The following ZNF804A variants were observed in gnomAD, a reference collection of about 807,000 sequenced individuals.
ZNF804A encodes zinc finger protein 804A.
ZNF804A carries 2 observed loss-of-function variants against 16.5 expected under a neutral mutation model. The observed-to-expected ratio is 0.12, with a 90% confidence interval of 0.05 to 0.38. The LOEUF is 0.38. ZNF804A is among the 10% of genes least tolerant of loss of function. The probability of loss-of-function intolerance (pLI) is 0.99; values close to 1 mark genes in which losing one functional copy is unlikely to be tolerated. For missense variants in ZNF804A, 1,473 were observed against 1,390.7 expected, an observed-to-expected ratio of 1.06 and a Z score of -0.94; for synonymous variants, 534 against 489.6, an observed-to-expected ratio of 1.09 and a Z score of -1.20.
At chr2:184,825,696 A>G (rs948805702) in intron 1 of ZNF804A, among the ~76,000 whole-genome samples, 3 of 152,192 alleles carry the variant, frequency 2.0e-5, no homozygotes, top group Non-Finnish European at 4.4e-5. Context: ...GTTCAAACAT[A>G]CAAAGACTGT....
chr2:184,803,437 C>T (rs1257186661), intron 1 of ZNF804A, among the ~76,000 whole-genome samples: 4 of 151,768 alleles, frequency 2.6e-5, no homozygotes, highest in African/African-American at 9.7e-5. Flanking sequence ...TTTTTATTGT[C>T]TTTCTTTTTC....
chr2:184,871,982 G>T (rs2105813723), intron 2 of ZNF804A, among the ~76,000 whole-genome samples: 1 of 152,072 alleles, frequency 6.6e-6, no homozygotes, highest in African/African-American at 2.4e-5. Context: ...TATCATTCAA[G>T]AATTAAGAAC....
intron 1 of ZNF804A, among the ~76,000 whole-genome samples, chr2:184,722,025 TAA>T (rs1409726939): frequency 6.6e-6 from 1 of 151,902 alleles, no homozygotes; most frequent in Non-Finnish European, 1.5e-5. Flanking sequence ...ACGTGGGAGC[TAA>T]AAGAGTTGTT....
rs1243185909 is a variant in ZNF804A at position 184,881,610 on chromosome 2, T to A, written c.255+15098T>A. 2.0e-5 allele frequency among the ~76,000 whole-genome samples: 3 copies of A among 152,150 alleles called. No individual in the cohort carries two copies. The East Asian group carries it at 5.8e-4, about 29-fold the overall frequency. ...CTTAGAAGCTAGCAGAGATTAGGGG[T>A]CTATATTCAGCATTCTTAAAGAAAA... On this transcript the variant is annotated intron_variant, in intron 2 of 3. Coordinates refer to ENST00000302277, the MANE Select transcript of ZNF804A (RefSeq NM_194250.2).
chr2:184,646,217 C>A (rs1431801260), intron 1 of ZNF804A, among the ~76,000 whole-genome samples: 1 of 152,140 alleles, frequency 6.6e-6, no homozygotes, highest in Non-Finnish European at 1.5e-5. Context: ...GCTTCCACAG[C>A]CAGAACTATG....
At chr2:184,657,677 G>A (rs1198278240) in intron 1 of ZNF804A, among the ~76,000 whole-genome samples, 1 of 152,164 alleles carries the variant, frequency 6.6e-6, no homozygotes, top group Non-Finnish European at 1.5e-5. Context: ...TCTTCTCTGG[G>A]TTTAGGAAAA....
intron 2 of ZNF804A, among the ~76,000 whole-genome samples, chr2:184,908,227 G>C (rs1685307680): frequency 6.6e-6 from 1 of 152,002 alleles, no homozygotes; most frequent in South Asian, 2.1e-4. Context: ...AGCTTTAAGG[G>C]GTGACCTTTA....
At chr2:184,862,304 T>C (rs1695813446) in intron 1 of ZNF804A, among the ~76,000 whole-genome samples, 2 of 152,240 alleles carry the variant, frequency 1.3e-5, no homozygotes, top group Admixed American at 1.3e-4. Context: ...GGACTGATTT[T>C]GTCTACATAC....
chr2:184,652,077 A>G (rs1559117974), intron 1 of ZNF804A, among the ~76,000 whole-genome samples: 1 of 152,212 alleles, frequency 6.6e-6, no homozygotes, highest in Non-Finnish European at 1.5e-5. Flanking sequence ...AAAAGGTGGT[A>G]AATATGTGCT....
At chr2:184,706,737 C>T (rs1693036943) in intron 1 of ZNF804A, among the ~76,000 whole-genome samples, 1 of 152,110 alleles carries the variant, frequency 6.6e-6, no homozygotes, top group Non-Finnish European at 1.5e-5. Context: ...TTTGATTGCA[C>T]TCTATGTTTC....
rs576789049 is a variant in ZNF804A, at chr2:184,780,004, G to A, written c.112-86365G>A. On this transcript the variant is annotated intron_variant, in intron 1 of 3. Coordinates refer to ENST00000302277, the MANE Select transcript of ZNF804A (RefSeq NM_194250.2). The stretch of plus-strand genomic sequence containing the variant: ...AATAATTTTTGTATTAGATACCATG[G>A]TCCCACAGGCTCCCAGGCTTCACAG... 1.6e-4 allele frequency among the ~76,000 whole-genome samples: 24 copies of A among 151,750 alleles called. No homozygotes were observed. In the South Asian group the frequency reaches 5.0e-3, roughly 32 times the overall value.
chr2:184,877,403 A>G (rs560282894), intron 2 of ZNF804A, among the ~76,000 whole-genome samples: 117 of 152,254 alleles, frequency 7.7e-4, no homozygotes, highest in Non-Finnish European at 1.5e-3. Context: ...AAAATCTAAT[A>G]TTACCATCAT....
chr2:184,760,823 A>G (rs1201866209), intron 1 of ZNF804A, among the ~76,000 whole-genome samples: 3 of 152,134 alleles, frequency 2.0e-5, no homozygotes, highest in Non-Finnish European at 2.9e-5. Flanking sequence ...CTCCCACAAT[A>G]CGTTATTGGT....
rs1408646250 is a variant in ZNF804A at position 184,598,975 on chromosome 2, A to T, written c.16A>T (p.Ile6Phe). ...CGGCTGCCCCATGGAGTGTTACTACATTGTCATCAGCTCCACGCATCTCAG... is the reference window on the plus strand; with the variant it reads ...CGGCTGCCCCATGGAGTGTTACTACTTTGTCATCAGCTCCACGCATCTCAG... MECYY[I>F]VISSTHLSNG... Residue 6 changes from isoleucine (I) to phenylalanine (F), a missense_variant, in exon 1 of 4, where the codon ATT becomes TTT. Physicochemically the swap from Ile to Phe is conservative, Grantham distance 21. Transcript: ENST00000302277. The T allele has an allele frequency of 2.0e-5, 32 of 1,613,248 alleles. No individual in the cohort carries two copies. Among genetic ancestry groups the T allele is most frequent in the Non-Finnish European group, 2.6e-5 (31 of 1,179,486 alleles).
intron 1 of ZNF804A, among the ~76,000 whole-genome samples, chr2:184,794,824 A>G (rs894019493): frequency 1.3e-5 from 2 of 151,070 alleles, no homozygotes; most frequent in African/African-American, 4.8e-5. Context: ...AATTCCATTC[A>G]AATGGACAAC....
chr2:184,870,515 C>G (rs1300678468), intron 2 of ZNF804A, among the ~76,000 whole-genome samples: 1 of 151,928 alleles, frequency 6.6e-6, no homozygotes, highest in African/African-American at 2.4e-5. Flanking sequence ...ATCTCATACT[C>G]TCTGAAACTC....
At chr2:184,855,404 A>G (rs1254876663) in intron 1 of ZNF804A, among the ~76,000 whole-genome samples, 1 of 152,036 alleles carries the variant, frequency 6.6e-6, no homozygotes, top group East Asian at 1.9e-4. Context: ...GGACTTGATG[A>G]AAACAGCCAG....
intron 1 of ZNF804A, among the ~76,000 whole-genome samples, chr2:184,643,549 A>G (rs577321574): frequency 2.6e-5 from 4 of 151,940 alleles, no homozygotes; most frequent in Non-Finnish European, 5.9e-5. Context: ...ATACAATTCA[A>G]ATAAAACTGT....
intron 1 of ZNF804A, among the ~76,000 whole-genome samples, chr2:184,846,969 C>A (rs535906054): frequency 2.0e-5 from 3 of 152,190 alleles, no homozygotes; most frequent in South Asian, 4.1e-4. Context: ...AGGTTAGAAA[C>A]CATGCTGTTG....
Sources: gnomAD v4.1 joint callset for allele counts (sites outside exome capture counted in the v4.1 genomes callset) on GRCh38, gnomAD v4.1.1 for gene constraint, MANE v1.5 for transcripts, NCBI Gene and HGNC (gene_info 2026-07-23, HGNC 2026-07-21) for gene names.